DYNC2I1: variants seen among roughly 807,000 people sequenced by gnomAD.
DYNC2I1 encodes the protein dynein 2 intermediate chain 1.
DYNC2I1 carries 89 observed loss-of-function variants against 133.4 expected under a neutral mutation model. The observed-to-expected ratio is 0.67, with a 90% CI of 0.56 to 0.80. The LOEUF is 0.80. Ranked by LOEUF, DYNC2I1 falls within the 30% of genes least tolerant of loss-of-function variation. The pLI, the probability that DYNC2I1 is intolerant of heterozygous loss-of-function variation, is 0.00. For missense variants in DYNC2I1, 1,291 were observed against 1,314.5 expected (o/e 0.98, Z 0.28); for synonymous variants, 504 against 484.3 (o/e 1.04, Z -0.54).
intron 23 of DYNC2I1, among the ~76,000 whole-genome samples, chr7:158,941,604 G>A (rs1425090795): frequency 6.6e-6 from 1 of 152,194 alleles, no homozygotes; most frequent in Admixed American, 6.5e-5. Context: ...AAAAGAGGCT[G>A]GGCATGATGG....
At chr7:158,891,200 T>C (rs957154747) in intron 7 of DYNC2I1, 65 bp from the exon 8 acceptor site, 1 of 1,575,160 alleles carries the variant, frequency 6.3e-7, no homozygotes, top group South Asian at 1.1e-5. Context: ...GGGGGGGAGC[T>C]GCGTGGCGTG....
intron 24 of DYNC2I1, among the ~76,000 whole-genome samples, chr7:158,944,950 G>A (rs1851731398): frequency 3.3e-5 from 5 of 152,200 alleles, no homozygotes; most frequent in Admixed American, 3.3e-4. Flanking sequence ...TGGGGGCCAG[G>A]TGGACAGCAG....
At chr7:158,912,316 C>G (rs1482929966) in intron 12 of DYNC2I1, among the ~76,000 whole-genome samples, 1 of 152,200 alleles carries the variant, frequency 6.6e-6, no homozygotes, top group African/African-American at 2.4e-5. Flanking sequence ...GACGTCTTAT[C>G]TAACATTTTT....
intron 7 of DYNC2I1, among the ~76,000 whole-genome samples, chr7:158,889,917 A>G (rs1158737370): frequency 1.3e-5 from 2 of 151,414 alleles, no homozygotes; most frequent in Admixed American, 1.3e-4. Flanking sequence ...GAGGCAGGAA[A>G]ATCGCTTGAA....
intron 20 of DYNC2I1, among the ~76,000 whole-genome samples, chr7:158,928,456 C>A (rs754513577): frequency 6.6e-6 from 1 of 152,194 alleles, no homozygotes; most frequent in Non-Finnish European, 1.5e-5. Context: ...GCCCTTGGAG[C>A]AAATGCTCTG....
intron 23 of DYNC2I1, among the ~76,000 whole-genome samples, chr7:158,938,790 G>A (rs910663857): frequency 6.6e-6 from 1 of 151,838 alleles, no homozygotes; most frequent in African/African-American, 2.4e-5. Context: ...AATGCTAAAG[G>A]GAGTTCTTCA....
intron 8 of DYNC2I1, among the ~76,000 whole-genome samples, chr7:158,900,989 A>G (rs1846195060): frequency 6.6e-6 from 1 of 151,958 alleles, no homozygotes; most frequent in Non-Finnish European, 1.5e-5. Context: ...AGCTCTTAGG[A>G]TGTCCTCATA....
chr7:158,894,096 A>G (rs1431952060), intron 8 of DYNC2I1, among the ~76,000 whole-genome samples: 1 of 6,616 alleles, frequency 1.5e-4, no homozygotes. Context: ...ACCGTATAGC[A>G]AAGTGCATAT....
Position 158,909,908 on chromosome 7 carries a change from G to A in DYNC2I1, c.1461-1642G>A, listed in dbSNP as rs558869318. On this transcript the variant is annotated intron_variant, in intron 11 of 24. Transcript: ENST00000407559. The stretch of plus-strand genomic sequence containing the variant: ...TTTTGGTCGAGCCTCCTGCAGGCCT[G>A]TGCTCTAGGAAGCAGGGCAGACCTG... Among the ~76,000 whole-genome samples, 18 of 152,314 alleles carry A rather than the reference G, an allele frequency of 1.2e-4. No individual in the cohort carries two copies. The East Asian group carries it at 3.5e-3, about 29-fold the overall frequency.
chr7:158,948,209 C>T (rs891575361), downstream of DYNC2I1, among the ~76,000 whole-genome samples: 27 of 152,172 alleles, frequency 1.8e-4, no homozygotes, highest in East Asian at 1.9e-4. Flanking sequence ...AGAGGTGGGC[C>T]GACAGTGCGG....
chr7:158,887,290 TCAGA>T (rs1844700473), intron 7 of DYNC2I1, among the ~76,000 whole-genome samples: 1 of 152,184 alleles, frequency 6.6e-6, no homozygotes, highest in Non-Finnish European at 1.5e-5. Flanking sequence ...AGAGAATCTA[TCAGA>T]CAGCAGCTAT....
intron 8 of DYNC2I1, among the ~76,000 whole-genome samples, chr7:158,898,286 C>T (rs1397281075): frequency 1.3e-5 from 2 of 152,164 alleles, no homozygotes; most frequent in African/African-American, 4.8e-5. Context: ...CAGCTATATC[C>T]TTACTCATGT....
chr7:158,840,222 C>T, the DYNC2I1 span, among the ~76,000 whole-genome samples: 7 of 151,370 alleles, frequency 4.6e-5, no homozygotes, highest in African/African-American at 1.5e-4. Context: ...GAGACCAGCC[C>T]GGGCAACAAA....
chr7:158,850,437 C>T, the DYNC2I1 span, among the ~76,000 whole-genome samples: 21,039 of 152,238 alleles, frequency 0.14, 2,067 homozygotes, highest in East Asian at 0.48. Flanking sequence ...AGGGAGCTCC[C>T]GTCCCAACTC....
chr7:158,880,739 C>T (rs1201525441), intron 5 of DYNC2I1, among the ~76,000 whole-genome samples: 2 of 152,082 alleles, frequency 1.3e-5, no homozygotes, highest in Non-Finnish European at 2.9e-5. Context: ...AATTTCCCTC[C>T]CAGGTCTGTG....
intron 8 of DYNC2I1, among the ~76,000 whole-genome samples, chr7:158,896,609 A>G (rs544664466): frequency 7.7e-4 from 117 of 152,202 alleles, no homozygotes; most frequent in Non-Finnish European, 1.5e-3. Context: ...AGTAGCTGGG[A>G]CTACAGGCAT....
At chr7:158,948,475 C>G (rs1202808181), downstream of DYNC2I1, among the ~76,000 whole-genome samples, 1 of 152,204 alleles carries the variant, frequency 6.6e-6, no homozygotes, top group Non-Finnish European at 1.5e-5. Flanking sequence ...TATTTGTGTG[C>G]TGAGGATACC....
At chr7:158,907,309 C>G (rs1198767680) in intron 11 of DYNC2I1, among the ~76,000 whole-genome samples, 2 of 113,028 alleles carry the variant, frequency 1.8e-5, no homozygotes, top group Non-Finnish European at 3.3e-5. Flanking sequence ...AAACCTGATT[C>G]AAGTTCTCAG....
intron 6 of DYNC2I1, among the ~76,000 whole-genome samples, 153 bp downstream of exon 6, chr7:158,884,772 C>A (rs538128947): frequency 1.3e-5 from 2 of 152,304 alleles, no homozygotes; most frequent in Admixed American, 6.5e-5. Context: ...TTAGCCCCTC[C>A]AAATGGGTTG....
Sources: allele counts gnomAD v4.1 joint callset (sites outside exome capture counted in the v4.1 genomes callset), GRCh38; gene constraint gnomAD v4.1.1; transcripts MANE v1.5; gene names NCBI Gene and HGNC (gene_info 2026-07-23, HGNC 2026-07-21).